Variants in MPND observed in about 807,000 individuals in gnomAD.
MPND encodes MPN domain-containing protein.
Under a neutral mutation model 59.2 loss-of-function variants are expected in MPND, and 56 were observed. The ratio of observed to expected loss-of-function variants is 0.95; its 90% CI spans 0.76 to 1.18. The LOEUF (loss-of-function observed/expected upper bound fraction) is 1.18. Ranked by LOEUF, MPND falls within the 50% of genes most tolerant of loss-of-function variation. The pLI, the probability that MPND is intolerant of heterozygous loss-of-function variation, is 0.00. For missense variants in MPND, 671 were observed against 676.0 expected (o/e 0.99, Z 0.08); for synonymous variants, 323 against 291.9 (o/e 1.11, Z -1.09).
At position 4,357,370 on chromosome 19, in the gene MPND, C is replaced by T. The variant is rs747112102; in HGVS notation, c.1114C>T (p.Arg372Trp). 1.3e-5 allele frequency: 21 copies of T among 1,612,904 alleles called. No individual in the cohort carries two copies. The highest frequency in any genetic ancestry group is 6.7e-5 in the Admixed American group (4 of 59,994). The stretch of plus-strand genomic sequence containing the variant: ...CGACGCACAGATGGACTACCAGCTG[C>T]GGCTGCAGGGCTCCAGCAATGGCTT... ...DIDAQMDYQL[R>W]LQGSSNGFQP... Residue 372 changes from arginine to tryptophan, a missense_variant, in exon 9 of 13, where the codon CGG becomes TGG. Coordinates refer to ENST00000599840, the MANE Select transcript of MPND (RefSeq NM_001300862.2).
chr19:4,347,763 G>C, intron 3 of MPND: 3 of 668,584 alleles, frequency 4.5e-6, no homozygotes, highest in Non-Finnish European at 7.2e-6. Context: ...GAACCTGCCC[G>C]ACGCAGTGGC....
chr19:4,345,750 G>A lies in MPND; in HGVS notation c.300G>A (p.Lys100=). Residue 100 remains lysine, a synonymous_variant, in exon 3 of 13, where the codon AAG becomes AAA. Transcript: ENST00000599840. Reference sequence around the variant, plus strand: ...CCAGCTGACTGTCACTGCAGGGGAAGAAGTTCCTGGGCGACCTGCAGCCAG... The same window carrying A: ...CCAGCTGACTGTCACTGCAGGGGAAAAAGTTCCTGGGCGACCTGCAGCCAG... ...AGVLSIYYLG[K]KFLGDLQPDG... The A allele has an allele frequency of 6.2e-7, 1 of 1,613,850 alleles. No individual in the cohort carries two copies. Among genetic ancestry groups the A allele is most frequent in the Non-Finnish European group, 8.5e-7 (1 of 1,179,894 alleles).
At position 4,354,946 on chromosome 19, in the gene MPND, C is replaced by G. The variant is rs781059163; in HGVS notation, c.847-3C>G. The G allele has an allele frequency of 6.3e-7, 1 of 1,585,302 alleles. No individual in the cohort carries two copies. Among genetic ancestry groups the G allele is most frequent in the Non-Finnish European group, 8.6e-7 (1 of 1,162,856 alleles). ...AGTCTTTTGCTGTTCCTCCCTTCCC[C>G]AGGACTTCCACAGTCACCTGACACG... On this transcript the variant is annotated splice_polypyrimidine_tract_variant and splice_region_variant and intron_variant, in intron 6 of 12. Coordinates refer to ENST00000599840, the MANE Select transcript of MPND (RefSeq NM_001300862.2).
intron 12 of MPND, 135 bp from the exon 13 acceptor site, chr19:4,359,781 T>A: frequency 1.5e-6 from 1 of 649,148 alleles, no homozygotes; most frequent in Middle Eastern, 4.1e-4. Flanking sequence ...CAGCAGGCTG[T>A]GCTGCGGGAC....
chr19:4,355,333 C>G (rs1972413604), intron 8 of MPND, among the ~76,000 whole-genome samples, 160 bp downstream of exon 8: 1 of 118,520 alleles, frequency 8.4e-6, no homozygotes, highest in South Asian at 2.8e-4. Flanking sequence ...GTGAAGAACA[C>G]TGCTTTTTTT....
intron 4 of MPND, 35 bp from the exon 5 acceptor site, chr19:4,354,010 T>C (rs767490310): frequency 1.3e-6 from 2 of 1,590,432 alleles, no homozygotes; most frequent in South Asian, 1.1e-5. Flanking sequence ...TAACTTGGGC[T>C]GGGGAGGGAC....
rs185268743 is a variant in MPND, at chr19:4,355,421, C to T, written c.996+248C>T. On this transcript the variant is annotated intron_variant, in intron 8 of 12. Transcript: ENST00000599840. ...TGCGATCTCAGCTCCCTGCAAGCTC[C>T]GCCTCCCGGGTTCACGCCATTCTCC... 2.7e-3 allele frequency among the ~76,000 whole-genome samples: 411 copies of T among 151,746 alleles called. 2 individuals are homozygous for T. The highest frequency in any genetic ancestry group is 3.4e-3 in the Middle Eastern group (1 of 294).
In MPND at chr19:4,343,712, G is replaced by C; in HGVS notation, c.12G>C (p.Pro4=). The change falls in exon 2 of 13, where the codon CCG becomes CCC. Residue 4 remains proline (P), a synonymous_variant. Coordinates refer to ENST00000599840, the MANE Select transcript of MPND (RefSeq NM_001300862.2). The part of the protein sequence containing the change: MAA[P]EPLSPAGGAG... ...GCAGCCTCTCGCTGTCCGCAGCTCC[G>C]GAGCCGCTGTCCCCGGCGGGCGGTG... The C allele has an allele frequency of 8.3e-7, 1 of 1,201,842 alleles. No individual in the cohort carries two copies. Among genetic ancestry groups the C allele is most frequent in the Non-Finnish European group, 1.0e-6 (1 of 968,858 alleles). 74.4% of individuals were successfully genotyped at this position (1,201,842 alleles called of 1,614,324 possible).
intron 4 of MPND, among the ~76,000 whole-genome samples, chr19:4,353,531 G>A (rs35424646): frequency 0.052 from 7,896 of 151,752 alleles, 661 homozygotes; most frequent in African/African-American, 0.18. Flanking sequence ...GCCTCCCAAA[G>A]TGTTGGGATT....
chr19:4,358,314 C>A, intron 11 of MPND, 142 bp downstream of exon 11: 1 of 714,322 alleles, frequency 1.4e-6, no homozygotes, highest in Non-Finnish European at 2.4e-6. Flanking sequence ...TCTTCCATCA[C>A]TCAGGACAGA....
chr19:4,343,661 A>C, intron 1 of MPND, 47 bp from the exon 2 acceptor site: 11 of 1,200,306 alleles, frequency 9.2e-6, no homozygotes, highest in Non-Finnish European at 1.1e-5. Flanking sequence ...GCGGGGCTGC[A>C]GAGCCGTGGG....
chr19:4,343,892 C>A lies in MPND; in HGVS notation c.192C>A (p.Gly64=), dbSNP rs989761540. ...GCGGGGCCGGGGCGGGGGGCTGCGG[C>A]GGGCCCGGGGGCGCGCTCACCAGGC... The part of the protein sequence containing the change: ...GGGGAGAGGC[G]GPGGALTRRA... The change falls in exon 2 of 13, where the codon GGC becomes GGA. Residue 64 remains glycine, a synonymous_variant. Coordinates refer to ENST00000599840, the MANE Select transcript of MPND (RefSeq NM_001300862.2). The A allele has an allele frequency of 7.2e-6, 9 of 1,242,570 alleles. No homozygotes were observed. The highest frequency in any genetic ancestry group is 8.0e-6 in the Non-Finnish European group (8 of 998,178). 77.0% of individuals were successfully genotyped at this position (1,242,570 alleles called of 1,614,324 possible).
chr19:4,359,199 C>A lies in MPND; in HGVS notation c.1363C>A (p.Leu455Ile), dbSNP rs776355078. The A allele has an allele frequency of 6.2e-7, 1 of 1,613,382 alleles. No individual in the cohort carries two copies. Among genetic ancestry groups the A allele is most frequent in the South Asian group, 1.1e-5 (1 of 91,076 alleles). Residue 455 changes from leucine (L) to isoleucine (I), a missense_variant, in exon 12 of 13, where the codon CTC (leucine) becomes ATC (isoleucine). By Grantham distance (5) the Leu-to-Ile change is conservative. Transcript: ENST00000599840. ...GGAGTTCTACAAGGGTTCCCCTGAC[C>A]TCGTGAGGCTCCAGGAACCCTGGAG... ...LVEFYKGSPD[L>I]VRLQEPWSQE...
At chr19:4,351,116 T>A (rs1350355027) in intron 3 of MPND, among the ~76,000 whole-genome samples, 1 of 152,170 alleles carries the variant, frequency 6.6e-6, no homozygotes, top group Non-Finnish European at 1.5e-5. Context: ...TTAATTTGTA[T>A]TTTTGTAGAC....
intron 3 of MPND, chr19:4,347,824 A>G: frequency 9.0e-6 from 3 of 331,560 alleles, no homozygotes; most frequent in South Asian, 9.1e-5. Context: ...TCCAGTGTCT[A>G]CAAGGAACTG....
intron 3 of MPND, chr19:4,347,149 T>A (rs1472617426): frequency 1.3e-5 from 2 of 152,114 alleles, no homozygotes; most frequent in Non-Finnish European, 2.9e-5. Context: ...GAATCTTTTT[T>A]TTTTTTCTGT....
At chr19:4,355,777 C>G (rs1157250103) in intron 8 of MPND, among the ~76,000 whole-genome samples, 1 of 151,704 alleles carries the variant, frequency 6.6e-6, no homozygotes, top group Non-Finnish European at 1.5e-5. Context: ...TCAGGATGGT[C>G]TCGATCTCTT....
intron 7 of MPND, 36 bp downstream of exon 7, chr19:4,355,057 A>ACCGGGGGCGTTGGG: frequency 6.2e-7 from 1 of 1,607,312 alleles, no homozygotes; most frequent in South Asian, 1.1e-5. Flanking sequence ...GGGGCGTTGG[A>ACCGGGGGCGTTGGG]GGACCGGGGT....
At chr19:4,351,164 T>C (rs1183260976) in intron 3 of MPND, among the ~76,000 whole-genome samples, 1 of 152,188 alleles carries the variant, frequency 6.6e-6, no homozygotes, top group Non-Finnish European at 1.5e-5. Context: ...AGTACAATGG[T>C]GTGATCTCAG....
Sources: gnomAD v4.1 joint callset for allele counts (sites outside exome capture counted in the v4.1 genomes callset) on GRCh38, gnomAD v4.1.1 for gene constraint, MANE v1.5 for transcripts, NCBI Gene and HGNC (gene_info 2026-07-23, HGNC 2026-07-21) for gene names.